Variants in LARGE1 observed in about 807,000 individuals in gnomAD.
LARGE1 encodes xylosyl- and glucuronyltransferase LARGE1.
In LARGE1, 43 loss-of-function variants were observed where a neutral mutation model predicts 87.6. That is an observed-to-expected ratio of 0.49 (90% CI 0.38 to 0.63). LARGE1 has a LOEUF of 0.63. Ranked by LOEUF, LARGE1 falls within the 30% of genes least tolerant of loss-of-function variation. The probability of loss-of-function intolerance (pLI) is 0.00; values close to 1 mark genes in which losing one functional copy is unlikely to be tolerated. For missense variants in LARGE1, 802 were observed against 1,000.2 expected (o/e 0.80, Z 2.67); for synonymous variants, 434 against 394.6 (o/e 1.10, Z -1.18).
chr22:33,130,238 C>T, the LARGE1 span, among the ~76,000 whole-genome samples: 1 of 143,604 alleles, frequency 7.0e-6, no homozygotes, highest in African/African-American at 2.6e-5. Flanking sequence ...GGCGTGAACC[C>T]GGGAGGCAGA....
intron 1 of LARGE1, among the ~76,000 whole-genome samples, chr22:33,897,087 G>A (rs893576961): frequency 6.6e-6 from 1 of 152,172 alleles, no homozygotes; most frequent in African/African-American, 2.4e-5. Context: ...AAGGAGGCCA[G>A]TCATGCCTCC....
chr22:33,580,108 C>G (rs1338505272), intron 5 of LARGE1, among the ~76,000 whole-genome samples: 1 of 152,078 alleles, frequency 6.6e-6, no homozygotes, highest in Non-Finnish European at 1.5e-5. Flanking sequence ...CAGTGGCTCA[C>G]GCCTGTAATT....
intron 1 of LARGE1, among the ~76,000 whole-genome samples, chr22:33,820,363 C>T (rs1240214891): frequency 6.6e-6 from 1 of 151,942 alleles, no homozygotes; most frequent in East Asian, 1.9e-4. Context: ...ACTTTGTCAC[C>T]CAGGCTGGAG....
In LARGE1 at chr22:33,399,032, T is replaced by C. The variant is rs5998924; in HGVS notation, c.893-14728A>G. On this transcript the variant is annotated intron_variant, in intron 7 of 14. Transcript: ENST00000397394. ...GGATACAACATGCAGGTTTGTTACATAGATATACACGTGGCATGGTGGTTT... is the reference window on the plus strand; with the variant it reads ...GGATACAACATGCAGGTTTGTTACACAGATATACACGTGGCATGGTGGTTT... Among the ~76,000 whole-genome samples, 1,344 of 152,308 alleles carry C rather than the reference T, an allele frequency of 8.8e-3. 19 individuals carry two copies. The highest frequency in any genetic ancestry group is 0.031 in the African/African-American group (1,270 of 41,558).
intron 1 of LARGE1, among the ~76,000 whole-genome samples, chr22:33,776,962 G>A (rs1195211526): frequency 2.6e-5 from 4 of 152,162 alleles, no homozygotes; most frequent in Non-Finnish European, 5.9e-5. Flanking sequence ...CAGCACATGG[G>A]CCCCTGCTCT....
chr22:33,148,248 C>G, the LARGE1 span, among the ~76,000 whole-genome samples: 1 of 152,180 alleles, frequency 6.6e-6, no homozygotes, highest in African/African-American at 2.4e-5. Context: ...TCTGTGTAAC[C>G]TGTTATAGCA....
chr22:33,760,234 C>CCT (rs1264446381), intron 2 of LARGE1, among the ~76,000 whole-genome samples: 2 of 152,088 alleles, frequency 1.3e-5, no homozygotes, highest in Non-Finnish European at 2.9e-5. Flanking sequence ...ACTGCCGTTC[C>CCT]CTCTCTCTCT....
intron 6 of LARGE1, among the ~76,000 whole-genome samples, chr22:33,527,793 G>A (rs1247324758): frequency 6.6e-6 from 1 of 152,156 alleles, no homozygotes; most frequent in Non-Finnish European, 1.5e-5. Flanking sequence ...AAGGGCCCAG[G>A]AGACAGTGGA....
chr22:33,811,817 G>A (rs2086504583), intron 1 of LARGE1, among the ~76,000 whole-genome samples: 1 of 152,192 alleles, frequency 6.6e-6, no homozygotes, highest in African/African-American at 2.4e-5. Context: ...GATGGATTAG[G>A]AGACACAGGA....
the LARGE1 span, among the ~76,000 whole-genome samples, chr22:33,089,410 T>TTCC: frequency 1.6e-5 from 2 of 123,614 alleles, no homozygotes; most frequent in African/African-American, 3.6e-5. Flanking sequence ...TTTCTTCTTC[T>TTCC]TCTACTTCTT....
intron 2 of LARGE1, among the ~76,000 whole-genome samples, chr22:33,710,204 A>AC (rs1262452247): frequency 6.6e-6 from 1 of 152,078 alleles, no homozygotes; most frequent in African/African-American, 2.4e-5. Context: ...AAAAAAAAAA[A>AC]CAAAACTTAA....
the LARGE1 span, among the ~76,000 whole-genome samples, chr22:33,111,127 A>T: frequency 6.6e-6 from 1 of 152,148 alleles, no homozygotes; most frequent in East Asian, 1.9e-4. Flanking sequence ...AATTAGGAGG[A>T]GCTGGTTGTA....
chr22:33,750,327 C>T (rs2084264503), intron 2 of LARGE1, among the ~76,000 whole-genome samples: 1 of 152,152 alleles, frequency 6.6e-6, no homozygotes, highest in Non-Finnish European at 1.5e-5. Context: ...CAGATCTTTT[C>T]ACTTTTTTTA....
intron 11 of LARGE1, among the ~76,000 whole-genome samples, chr22:33,264,309 A>G (rs1340882384): frequency 6.6e-6 from 1 of 152,244 alleles, no homozygotes; most frequent in Non-Finnish European, 1.5e-5. Flanking sequence ...TAATCCATTC[A>G]TGAAGAAATC....
intron 11 of LARGE1, among the ~76,000 whole-genome samples, chr22:33,170,060 T>C (rs1460499102): frequency 6.6e-6 from 1 of 151,972 alleles, no homozygotes; most frequent in African/African-American, 2.4e-5. Context: ...CTGGGGTGAT[T>C]AGATCATGAG....
At chr22:33,411,198 A>G (rs2066293758) in intron 7 of LARGE1, among the ~76,000 whole-genome samples, 1 of 152,154 alleles carries the variant, frequency 6.6e-6, no homozygotes, top group African/African-American at 2.4e-5. Context: ...ATTTTCAGGA[A>G]CGGCCACCCC....
At chr22:33,390,096 A>C (rs949609536) in intron 7 of LARGE1, among the ~76,000 whole-genome samples, 35 of 152,230 alleles carry the variant, frequency 2.3e-4, no homozygotes, top group Admixed American at 2.3e-3. Flanking sequence ...GCCATAAAAC[A>C]ACCGCAACCT....
chr22:33,858,120 G>A (rs1362725826), intron 1 of LARGE1, among the ~76,000 whole-genome samples: 2 of 152,206 alleles, frequency 1.3e-5, no homozygotes, highest in African/African-American at 2.4e-5. Context: ...GGAACCCCGT[G>A]ACTAGTGTTC....
chr22:33,267,038 G>A (rs1358849750), intron 11 of LARGE1, among the ~76,000 whole-genome samples: 7 of 151,482 alleles, frequency 4.6e-5, no homozygotes, highest in South Asian at 2.1e-4. Context: ...CCAGGAGTTC[G>A]AGACCAGCCT....
Sources: gnomAD v4.1 joint callset for allele counts (sites outside exome capture counted in the v4.1 genomes callset) on GRCh38, gnomAD v4.1.1 for gene constraint, MANE v1.5 for transcripts, NCBI Gene and HGNC (gene_info 2026-07-23, HGNC 2026-07-21) for gene names.